Variants in OR6C1 observed in about 807,000 individuals in gnomAD.
OR6C1 encodes the protein olfactory receptor family 6 subfamily C member 1.
For synonymous variants in OR6C1, 157 were observed against 133.3 expected (o/e 1.18, Z -1.22); for missense variants, 386 against 366.1 (o/e 1.05, Z -0.44).
intron 1 of OR6C1, among the ~76,000 whole-genome samples, chr12:55,320,161 A>G (rs1229889358): frequency 1.3e-5 from 2 of 152,124 alleles, no homozygotes; most frequent in Admixed American, 6.6e-5. Flanking sequence ...AACCTCAAGT[A>G]TCTTCTCCAT....
At position 55,321,239 on chromosome 12, in the gene OR6C1, C is replaced by T. The variant is rs780813563; in HGVS notation, c.640C>T (p.Leu214=). 1.2e-6 allele frequency: 2 copies of T among 1,613,908 alleles called. No homozygotes were observed. Among genetic ancestry groups the T allele is most frequent in the Non-Finnish European group, 1.7e-6 (2 of 1,179,824 alleles). The change falls in exon 2 of 2, where the codon CTG becomes TTG. Residue 214 remains leucine, a synonymous_variant. Transcript: ENST00000642104. The part of the protein sequence containing the change: ...TLMFTLALIF[L]SYIYIIRTIL... Reference sequence around the variant, plus strand: ...AATGTTCACTTTGGCATTAATATTTCTGTCCTACATATACATTATCAGAAC... The same window carrying T: ...AATGTTCACTTTGGCATTAATATTTTTGTCCTACATATACATTATCAGAAC...
At position 55,321,395 on chromosome 12, in the gene OR6C1, G is replaced by C; in HGVS notation, c.796G>C (p.Val266Leu). 6.2e-7 allele frequency: 1 copy of C among 1,613,936 alleles called. No homozygotes were observed. Among genetic ancestry groups the C allele is most frequent in the Non-Finnish European group, 8.5e-7 (1 of 1,179,886 alleles). ...CATTAAACCCTCAGCAAAAGATAGA[G>C]TGTCCTTGAGCAAGGGAGTGGCAAT... ...MYIKPSAKDR[V>L]SLSKGVAILN... is the part of the protein sequence containing the mutation. The change falls in exon 2 of 2, where the codon GTG becomes CTG. Residue 266 changes from valine (V) to leucine (L), a missense_variant. By Grantham distance (32) the Val-to-Leu change is conservative (BLOSUM62 1). Coordinates refer to ENST00000642104, the MANE Select transcript of OR6C1 (RefSeq NM_001005182.2).
chr12:55,315,404 A>G (rs898252419), intron 1 of OR6C1, among the ~76,000 whole-genome samples: 4 of 151,748 alleles, frequency 2.6e-5, no homozygotes, highest in African/African-American at 7.2e-5. Context: ...TGTTAAAATT[A>G]TAAATGGCTA....
In OR6C1 at chr12:55,320,825, A is replaced by G. The variant is rs1174485134; in HGVS notation, c.226A>G (p.Ile76Val). Residue 76 changes from isoleucine (I) to valine (V), a missense_variant, in exon 2 of 2, where the codon ATA becomes GTA. Physicochemically the swap from Ile to Val is conservative, Grantham distance 29. Coordinates refer to ENST00000642104, the MANE Select transcript of OR6C1 (RefSeq NM_001005182.2). ...ILEISFTTVSIPKFLGNIISG... is the reference protein window; with the variant it reads ...ILEISFTTVSVPKFLGNIISG... ...AGAAATTTCGTTCACAACCGTCAGT[A>G]TACCCAAGTTTCTGGGTAACATTAT... 1.1e-5 allele frequency: 17 copies of G among 1,612,970 alleles called. No individual in the cohort carries two copies. The highest frequency in any genetic ancestry group is 1.4e-5 in the Non-Finnish European group (17 of 1,179,158).
At chr12:55,315,382 C>T (rs1403569461) in intron 1 of OR6C1, among the ~76,000 whole-genome samples, 1 of 151,554 alleles carries the variant, frequency 6.6e-6, no homozygotes, top group Non-Finnish European at 1.5e-5. Context: ...AATTTATGTC[C>T]TTTTCCTATC....
At chr12:55,318,490 AC>A (rs2120443687) in intron 1 of OR6C1, among the ~76,000 whole-genome samples, 1 of 151,808 alleles carries the variant, frequency 6.6e-6, no homozygotes, top group African/African-American at 2.4e-5. Context: ...TGGACAGGAC[AC>A]CATCCCATTT....
In OR6C1 at chr12:55,322,329, GT is replaced by G. The variant is rs1868584098; in HGVS notation, c.*794del. The G allele has an allele frequency of 6.6e-6, 1 of 151,810 alleles. No homozygotes were observed. Among genetic ancestry groups the G allele is most frequent in the South Asian group, 2.1e-4 (1 of 4,830 alleles). 9.4% of individuals were successfully genotyped at this position (151,810 alleles called of 1,614,324 possible). ...GTAAATCTTCTTAAATTTTAGACTA[GT>G]TTAAAACAGGATATGTATCCAAATT... On this transcript the variant is annotated 3_prime_UTR_variant, in exon 2 of 2. Coordinates refer to ENST00000642104, the MANE Select transcript of OR6C1 (RefSeq NM_001005182.2).
intron 1 of OR6C1, among the ~76,000 whole-genome samples, chr12:55,318,221 A>AGTGT (rs71070867): frequency 0.024 from 3,104 of 128,564 alleles, 68 homozygotes; most frequent in African/African-American, 0.062. Flanking sequence ...AGATAAGTGG[A>AGTGT]GTGTGTGTGT....
At chr12:55,319,712 T>A (rs184569721) in intron 1 of OR6C1, among the ~76,000 whole-genome samples, 2 of 152,310 alleles carry the variant, frequency 1.3e-5, no homozygotes, top group Non-Finnish European at 2.9e-5. Context: ...AATTACATTC[T>A]TAGAGCAATG....
chr12:55,316,121 ACACACACACC>A lies in OR6C1; in HGVS notation c.-34+1524_-34+1533del, dbSNP rs796471729. Among the ~76,000 whole-genome samples the A allele has an allele frequency of 3.5e-3, 498 of 144,208 alleles. 5 individuals are homozygous for A. The highest frequency in any genetic ancestry group is 0.013 in the African/African-American group (461 of 35,272). The allele number at this position is 144,208 out of a possible 152,430, so 94.6% of individuals were successfully genotyped here. A position where few individuals can be genotyped will look rare whatever the true frequency, so the allele number is the denominator to read the frequency against. On this transcript the variant is annotated intron_variant, in intron 1 of 1. Coordinates refer to ENST00000642104, the MANE Select transcript of OR6C1 (RefSeq NM_001005182.2). The stretch of plus-strand genomic sequence containing the variant: ...TACACACACACACACACACACACAC[ACACACACACC>A]CCCCGAGAGAATAATAAAATAGAGC...
chr12:55,317,998 T>C (rs1868441149), intron 1 of OR6C1, among the ~76,000 whole-genome samples: 1 of 149,450 alleles, frequency 6.7e-6, no homozygotes, highest in African/African-American at 2.4e-5. Flanking sequence ...CATACACATA[T>C]ATACACACAC....
rs71070867 is a variant in OR6C1 at position 55,318,221 on chromosome 12, AGTGTGTGTGTGTGTGTGT to A, written c.-33-2320_-33-2303del. Among the ~76,000 whole-genome samples, 3 of 128,654 alleles carry A rather than the reference AGTGTGTGTGTGTGTGTGT, an allele frequency of 2.3e-5. No individual in the cohort carries two copies. The East Asian group carries it at 6.8e-4, about 29-fold the overall frequency. 84.4% of individuals were successfully genotyped at this position (128,654 alleles called of 152,430 possible). A position where few individuals can be genotyped will look rare whatever the true frequency, so the allele number is the denominator to read the frequency against. On this transcript the variant is annotated intron_variant, in intron 1 of 1. Coordinates refer to ENST00000642104, the MANE Select transcript of OR6C1 (RefSeq NM_001005182.2). The stretch of plus-strand genomic sequence containing the variant: ...TCAAATCCTGGTTGAAGATAAGTGG[AGTGTGTGTGTGTGTGTGT>A]GTGTGTGTGTGTGTGTGTGTGTGTG...
chr12:55,315,298 T>C (rs1868390995), intron 1 of OR6C1, among the ~76,000 whole-genome samples: 1 of 151,828 alleles, frequency 6.6e-6, no homozygotes, highest in South Asian at 2.1e-4. Flanking sequence ...CCTATATACT[T>C]TCTGTGATAA....
rs1212252287 is a variant in OR6C1 at position 55,322,245 on chromosome 12, A to G, written c.*707A>G. ...AGAATATATAGTATATTCCTAAGAT[A>G]TGTTAATTTTCTGTGAGTGGAAAAT... is the stretch of plus-strand genomic sequence containing the variant. On this transcript the variant is annotated 3_prime_UTR_variant, in exon 2 of 2. Coordinates refer to ENST00000642104, the MANE Select transcript of OR6C1 (RefSeq NM_001005182.2). The G allele has an allele frequency of 6.6e-6, 1 of 152,036 alleles. No individual in the cohort carries two copies. Among genetic ancestry groups the G allele is most frequent in the African/African-American group, 2.4e-5 (1 of 41,450 alleles). 9.4% of individuals were successfully genotyped at this position (152,036 alleles called of 1,614,324 possible).
chr12:55,315,123 G>T (rs1424357714), intron 1 of OR6C1, among the ~76,000 whole-genome samples: 2 of 151,476 alleles, frequency 1.3e-5, no homozygotes, highest in Non-Finnish European at 3.0e-5. Flanking sequence ...AATGCTGCAT[G>T]ATTTATGGAA....
At chr12:55,320,153 C>G (rs1333809327) in intron 1 of OR6C1, among the ~76,000 whole-genome samples, 1 of 151,940 alleles carries the variant, frequency 6.6e-6, no homozygotes, top group East Asian at 1.9e-4. Flanking sequence ...AAAAAAACAA[C>G]CTCAAGTATC....
chr12:55,320,441 T>G (rs1226849853), intron 1 of OR6C1, 126 bp from the exon 2 acceptor site: 1 of 587,474 alleles, frequency 1.7e-6, no homozygotes, highest in Non-Finnish European at 3.0e-6. Context: ...ACTGTTATTA[T>G]CGGGTGGCGT....
At chr12:55,315,251 C>T (rs965000145) in intron 1 of OR6C1, among the ~76,000 whole-genome samples, 1 of 151,548 alleles carries the variant, frequency 6.6e-6, no homozygotes, top group African/African-American at 2.4e-5. Flanking sequence ...GTCACAAATC[C>T]ATTAAATGTC....
chr12:55,319,773 T>C (rs545460404), intron 1 of OR6C1, among the ~76,000 whole-genome samples: 2 of 152,222 alleles, frequency 1.3e-5, no homozygotes, highest in African/African-American at 4.8e-5. Context: ...CCTGTGTTGG[T>C]TGGGTATGAC....
Sources: allele counts gnomAD v4.1 joint callset (sites outside exome capture counted in the v4.1 genomes callset), GRCh38; gene constraint gnomAD v4.1.1; transcripts MANE v1.5; gene names NCBI Gene and HGNC (gene_info 2026-07-23, HGNC 2026-07-21).